OPCML: variants seen among roughly 807,000 people sequenced by gnomAD.
OPCML encodes the protein opioid binding protein/cell adhesion molecule like.
In OPCML, 13 loss-of-function variants were observed where a neutral mutation model predicts 37.8. The observed-to-expected ratio is 0.34, with a 90% CI of 0.22 to 0.55. OPCML has a LOEUF of 0.55. OPCML is among the 20% of genes least tolerant of loss of function. The probability of loss-of-function intolerance (pLI) is 0.91; values close to 1 mark genes in which losing one functional copy is unlikely to be tolerated. For synonymous variants in OPCML, 176 were observed against 168.8 expected (o/e 1.04, Z -0.33); for missense variants, 341 against 435.6 (o/e 0.78, Z 1.93).
chr11:133,368,824 T>A (rs1944610086), intron 1 of OPCML, among the ~76,000 whole-genome samples: 1 of 152,180 alleles, frequency 6.6e-6, no homozygotes, highest in Non-Finnish European at 1.5e-5. Flanking sequence ...ATGAGGCACT[T>A]CCTACCCAGC....
At chr11:132,932,636 G>A (rs1420515345) in intron 2 of OPCML, among the ~76,000 whole-genome samples, 1 of 150,496 alleles carries the variant, frequency 6.6e-6, no homozygotes, top group Non-Finnish European at 1.5e-5. Context: ...GAATAGTGCT[G>A]GTGGGTACCC....
chr11:133,312,098 A>G (rs1166495237), intron 1 of OPCML, among the ~76,000 whole-genome samples: 1 of 152,200 alleles, frequency 6.6e-6, no homozygotes, highest in African/African-American at 2.4e-5. Flanking sequence ...ACATAATCAA[A>G]TAGATATTAA....
intron 3 of OPCML, among the ~76,000 whole-genome samples, chr11:132,543,942 T>C (rs1392663566): frequency 2.0e-5 from 3 of 152,124 alleles, no homozygotes; most frequent in African/African-American, 7.2e-5. Flanking sequence ...GAAATGAGGA[T>C]TATATCCACA....
intron 1 of OPCML, chr11:133,004,136 G>A (rs1394667396): frequency 1.8e-5 from 18 of 985,248 alleles, no homozygotes; most frequent in South Asian, 9.4e-5. Context: ...TCTCAAAAGC[G>A]GGAGCAGGCA....
At chr11:133,320,363 G>C (rs1038989282) in intron 1 of OPCML, among the ~76,000 whole-genome samples, 1 of 152,084 alleles carries the variant, frequency 6.6e-6, no homozygotes, top group Non-Finnish European at 1.5e-5. Context: ...GATGAAACTG[G>C]TTTTGGGTCC....
intron 1 of OPCML, among the ~76,000 whole-genome samples, chr11:133,320,741 T>A (rs73031343): frequency 6.6e-6 from 1 of 152,226 alleles, no homozygotes; most frequent in Non-Finnish European, 1.5e-5. Flanking sequence ...ATAAACAGTA[T>A]GGGTCACCCC....
At chr11:132,890,564 G>A (rs1374617882) in intron 2 of OPCML, among the ~76,000 whole-genome samples, 1 of 151,806 alleles carries the variant, frequency 6.6e-6, no homozygotes, top group African/African-American at 2.4e-5. Context: ...AAAGAAAAAT[G>A]GGCCAGGCAC....
chr11:132,969,489 A>G (rs1946291566), intron 1 of OPCML, among the ~76,000 whole-genome samples: 5 of 152,108 alleles, frequency 3.3e-5, no homozygotes, highest in Admixed American at 3.3e-4. Flanking sequence ...TGAAATTCTC[A>G]ACTTTAAATA....
At chr11:132,775,766 C>G (rs1471282232) in intron 2 of OPCML, among the ~76,000 whole-genome samples, 1 of 152,200 alleles carries the variant, frequency 6.6e-6, no homozygotes, top group African/African-American at 2.4e-5. Flanking sequence ...TCAAAGAATG[C>G]CAGCCCAAGG....
intron 4 of OPCML, among the ~76,000 whole-genome samples, chr11:132,470,918 C>A (rs756229153): frequency 1.2e-4 from 19 of 152,042 alleles, no homozygotes; most frequent in Non-Finnish European, 2.5e-4. Context: ...CGTTCTAGGA[C>A]CTGACTCTTC....
intron 1 of OPCML, among the ~76,000 whole-genome samples, chr11:133,295,076 G>T (rs59628660): frequency 6.6e-6 from 1 of 151,540 alleles, no homozygotes; most frequent in South Asian, 2.1e-4. Context: ...CACCTGCCTC[G>T]GCCTCCCAAA....
chr11:133,016,326 A>G (rs1947335179), intron 1 of OPCML, among the ~76,000 whole-genome samples: 1 of 152,062 alleles, frequency 6.6e-6, no homozygotes, highest in African/African-American at 2.4e-5. Context: ...GATTGAATTC[A>G]CTTCCTTGGA....
intron 3 of OPCML, among the ~76,000 whole-genome samples, chr11:132,594,448 G>A (rs1375671856): frequency 6.6e-6 from 1 of 152,024 alleles, no homozygotes; most frequent in Non-Finnish European, 1.5e-5. Context: ...AGATAATGGA[G>A]TAATAGTATG....
chr11:132,522,486 C>T (rs867326114), intron 4 of OPCML, among the ~76,000 whole-genome samples: 1 of 152,138 alleles, frequency 6.6e-6, no homozygotes, highest in Non-Finnish European at 1.5e-5. Flanking sequence ...TAACAAGTAC[C>T]CAGGCTATCT....
chr11:133,157,891 A>G (rs939162827), intron 1 of OPCML, among the ~76,000 whole-genome samples: 1 of 152,300 alleles, frequency 6.6e-6, no homozygotes, highest in Admixed American at 6.5e-5. Flanking sequence ...CACATCTCCA[A>G]AAACATATCA....
At chr11:133,262,067 ATAAT>A (rs1941512382) in intron 1 of OPCML, among the ~76,000 whole-genome samples, 1 of 152,230 alleles carries the variant, frequency 6.6e-6, no homozygotes, top group Non-Finnish European at 1.5e-5. Flanking sequence ...TTTTGAAAAA[ATAAT>A]TACTTTTAGT....
chr11:132,596,362 C>CT (rs1013938739), intron 3 of OPCML, among the ~76,000 whole-genome samples: 29 of 151,140 alleles, frequency 1.9e-4, no homozygotes, highest in African/African-American at 4.4e-4. Context: ...TCTTCTTTTT[C>CT]TTTTTTTTTA....
At chr11:133,087,808 C>T (rs556852050) in intron 1 of OPCML, among the ~76,000 whole-genome samples, 3 of 152,190 alleles carry the variant, frequency 2.0e-5, no homozygotes, top group Non-Finnish European at 2.9e-5. Flanking sequence ...AGGCTCTTTC[C>T]CGCACTGGCT....
chr11:132,757,253 A>G (rs1355249682), intron 2 of OPCML, among the ~76,000 whole-genome samples: 1 of 152,210 alleles, frequency 6.6e-6, no homozygotes, highest in Non-Finnish European at 1.5e-5. Flanking sequence ...CAGTGCTACA[A>G]TAAACATATG....
Sources: allele counts gnomAD v4.1 joint callset (sites outside exome capture counted in the v4.1 genomes callset), GRCh38; gene constraint gnomAD v4.1.1; transcripts MANE v1.5; gene names NCBI Gene and HGNC (gene_info 2026-07-23, HGNC 2026-07-21).